Variants in OCRL observed in about 807,000 individuals in gnomAD.
OCRL encodes OCRL inositol polyphosphate-5-phosphatase.
Under a neutral mutation model 78.9 loss-of-function variants are expected in OCRL, and 8 were observed. That is an observed-to-expected ratio of 0.10 (90% confidence interval 0.06 to 0.18). The LOEUF is 0.18. Ranked by LOEUF, OCRL falls within the 10% of genes least tolerant of loss-of-function variation. OCRL has a pLI of 1.00. For missense variants in OCRL, 454 were observed against 696.7 expected, an observed-to-expected ratio of 0.65 and a Z score of 3.92; for synonymous variants, 240 against 235.4, an observed-to-expected ratio of 1.02 and a Z score of -0.18.
intron 3 of OCRL, among the ~76,000 whole-genome samples, chrX:129,545,262 G>T (rs781693651): frequency 8.9e-6 from 1 of 112,278 alleles, no homozygotes; most frequent in Admixed American, 9.4e-5. Flanking sequence ...CTGTTTCCTT[G>T]GCTTGGGTTA....
chrX:129,557,773 G>A (rs1487240077), intron 5 of OCRL, 88 bp from the exon 6 acceptor site: 3 of 669,681 alleles, frequency 4.5e-6, no homozygotes, highest in South Asian at 4.3e-5. Context: ...CTGCATATAA[G>A]GAATGTTGAA....
chrX:129,541,758 T>C (rs2124384805), intron 2 of OCRL, among the ~76,000 whole-genome samples: 1 of 112,192 alleles, frequency 8.9e-6, no homozygotes, highest in South Asian at 3.7e-4. Flanking sequence ...AAAACCAATT[T>C]TCTCAGTCCC....
At chrX:129,549,675 A>G (rs1328399589) in intron 4 of OCRL, 1 of 112,579 alleles carries the variant, frequency 8.9e-6, no homozygotes, top group East Asian at 2.8e-4. Context: ...CAACACTTAA[A>G]AAAGCAAAAC....
chrX:129,576,563 T>C lies in OCRL; in HGVS notation c.2115+11T>C. 3.6e-6 allele frequency: 4 copies of C among 1,106,343 alleles called. No individual in the cohort carries two copies. The highest frequency in any genetic ancestry group is 5.0e-6 in the Non-Finnish European group (4 of 800,410). 91.2% of individuals were successfully genotyped at this position (1,106,343 alleles called of 1,213,427 possible). A position where few individuals can be genotyped will look rare whatever the true frequency, so the allele number is the denominator to read the frequency against. On this transcript the variant is annotated intron_variant, in intron 18 of 23. Transcript: ENST00000371113. The stretch of plus-strand genomic sequence containing the variant: ...AAACTCATAGACTTGGTAAGAACTG[T>C]CCCAAGACATAAACCTCTTTTACAT...
chrX:129,575,739 C>T, intron 16 of OCRL, 158 bp from the exon 17 acceptor site: 2 of 554,516 alleles, frequency 3.6e-6, no homozygotes, highest in South Asian at 5.3e-5. Context: ...ATAATACATG[C>T]AAGTGGATGT....
intron 4 of OCRL, among the ~76,000 whole-genome samples, chrX:129,553,578 G>A (rs745504162): frequency 8.9e-6 from 1 of 112,086 alleles, no homozygotes; most frequent in Non-Finnish European, 1.9e-5. Flanking sequence ...AGAATCAGAG[G>A]GGTTGTAATT....
intron 14 of OCRL, 31 bp downstream of exon 14, chrX:129,567,394 G>A (rs770184947): frequency 1.0e-6 from 1 of 1,004,833 alleles, no homozygotes; most frequent in Non-Finnish European, 1.4e-6. Flanking sequence ...TCACAGAGAA[G>A]GTTAAGGCTT....
At chrX:129,586,777 A>G (rs767938663) in intron 19 of OCRL, 1 of 520,171 alleles carries the variant, frequency 1.9e-6, no homozygotes, top group African/African-American at 2.3e-5. Context: ...CGCAAATGAA[A>G]TGCAGAACAA....
At chrX:129,586,704 G>A in intron 19 of OCRL, 1 of 412,582 alleles carries the variant, frequency 2.4e-6, no homozygotes, top group Non-Finnish European at 4.6e-6. Context: ...CCGGAGCACT[G>A]GTTCTCAGTG....
chrX:129,544,922 A>C (rs759051484), intron 2 of OCRL, 36 bp from the exon 3 acceptor site: 1 of 859,566 alleles, frequency 1.2e-6, no homozygotes, highest in Admixed American at 2.2e-5. Context: ...TGAGTTTTTC[A>C]GTGGCTGTTC....
chrX:129,547,990 C>T (rs1935911914), intron 3 of OCRL, among the ~76,000 whole-genome samples: 1 of 112,005 alleles, frequency 8.9e-6, no homozygotes, highest in Admixed American at 9.4e-5. Flanking sequence ...AACTTGCAGA[C>T]TGCTTTGCAC....
chrX:129,558,972 G>C lies in OCRL; in HGVS notation c.693G>C (p.Glu231Asp), dbSNP rs775438040. 1 of 1,209,167 alleles carries C rather than the reference G, an allele frequency of 8.3e-7. No individual in the cohort carries two copies. Among genetic ancestry groups the C allele is most frequent in the African/African-American group, 1.7e-5 (1 of 57,228 alleles). ...GLIKHILAKR[E>D]KEYVNIQTFR... ...TCAAACATATCCTGGCAAAGCGAGA[G>C]AAAGAATATGTCAACATTCAGACTT... Residue 231 changes from glutamate (E) to aspartate (D), a missense_variant, in exon 8 of 24, where the codon GAG becomes GAC. Glu to Asp is a conservative substitution (Grantham distance 45, BLOSUM62 2). This residue lies in a region of OCRL where 177 missense variants were observed against 179.6 expected (regional missense o/e 0.99). Coordinates refer to ENST00000371113, the MANE Select transcript of OCRL (RefSeq NM_000276.4).
At chrX:129,574,662 C>T (rs1018284858) in intron 15 of OCRL, among the ~76,000 whole-genome samples, 13 of 112,532 alleles carry the variant, frequency 1.2e-4, no homozygotes, top group African/African-American at 3.9e-4. Flanking sequence ...TGTTTTGACA[C>T]TGTCATTTTG....
At chrX:129,540,698 C>A in intron 1 of OCRL, 46 bp from the exon 2 acceptor site, 1 of 1,087,057 alleles carries the variant, frequency 9.2e-7, no homozygotes, top group Non-Finnish European at 1.3e-6. Context: ...GTGCACCACT[C>A]CTCCCCACCG....
chrX:129,567,095 A>C (rs1936226353), intron 13 of OCRL, among the ~76,000 whole-genome samples, 159 bp from the exon 14 acceptor site: 1 of 112,142 alleles, frequency 8.9e-6, no homozygotes, highest in African/African-American at 3.2e-5. Context: ...CTGAGATTTA[A>C]TTCATAAGGT....
chrX:129,580,771 A>G lies in OCRL; in HGVS notation c.2116-3573A>G, dbSNP rs1936428477. On this transcript the variant is annotated intron_variant, in intron 18 of 23. Coordinates refer to ENST00000371113, the MANE Select transcript of OCRL (RefSeq NM_000276.4). The stretch of plus-strand genomic sequence containing the variant: ...CTTTGTCTTACTAATCTAACCATCC[A>G]TTTCTTACTCTGTTAAGTATATGGC... Among the ~76,000 whole-genome samples the G allele has an allele frequency of 4.4e-5, 5 of 112,464 alleles. No homozygotes were observed. The South Asian group carries it at 1.5e-3, about 33-fold the overall frequency.
rs778294196 is a variant in OCRL, at chrX:129,557,570, G to A, written c.349+135G>A. On this transcript the variant is annotated intron_variant, in intron 5 of 23. Transcript: ENST00000371113. ...CTGATAGCTGATTTTTTTTTCTTCAGGAGTGAACACAGGGATAGGTTAGGG... is the reference window on the plus strand; with the variant it reads ...CTGATAGCTGATTTTTTTTTCTTCAAGAGTGAACACAGGGATAGGTTAGGG... The A allele has an allele frequency of 9.6e-5, 58 of 602,615 alleles. No individual in the cohort carries two copies. In the African/African-American group the frequency reaches 1.1e-3, roughly 11 times the overall value. The allele number at this position is 602,615 out of a possible 1,213,427, so 49.7% of individuals were successfully genotyped here.
chrX:129,557,761 C>G (rs1936079822), intron 5 of OCRL, 100 bp from the exon 6 acceptor site: 1 of 624,720 alleles, frequency 1.6e-6, no homozygotes, highest in Admixed American at 2.2e-5. Flanking sequence ...TGGTGCTGGC[C>G]CCTGCATATA....
At chrX:129,559,361 G>A (rs1019810911) in intron 8 of OCRL, among the ~76,000 whole-genome samples, 10 of 111,593 alleles carry the variant, frequency 9.0e-5, no homozygotes, top group Non-Finnish European at 1.9e-4. Flanking sequence ...ACCACATCCA[G>A]CTAATATTTG....
Sources: allele counts gnomAD v4.1 joint callset (sites outside exome capture counted in the v4.1 genomes callset), GRCh38; gene constraint gnomAD v4.1.1; regional missense constraint gnomAD v4.1.1; transcripts MANE v1.5; gene names NCBI Gene and HGNC (gene_info 2026-07-23, HGNC 2026-07-21).